PPFIA2: variants seen among roughly 807,000 people sequenced by gnomAD.
PPFIA2 encodes liprin-alpha-2.
Under a neutral mutation model 175.5 loss-of-function variants are expected in PPFIA2, and 46 were observed. That is an observed-to-expected ratio of 0.26 (90% CI 0.21 to 0.34). PPFIA2 has a LOEUF of 0.34. Among genes scored for constraint, PPFIA2 ranks in the 10% least tolerant of loss-of-function variants. PPFIA2 has a pLI of 1.00. For missense variants in PPFIA2, 1,179 were observed against 1,506.1 expected, an observed-to-expected ratio of 0.78 and a Z score of 3.60; for synonymous variants, 568 against 511.4, an observed-to-expected ratio of 1.11 and a Z score of -1.49.
chr12:81,312,326 A>C (rs1350327023), intron 22 of PPFIA2: 3 of 690,824 alleles, frequency 4.3e-6, no homozygotes, highest in Non-Finnish European at 7.3e-6. Context: ...TTTGTATTTC[A>C]TCATGACACA....
intron 21 of PPFIA2, among the ~76,000 whole-genome samples, chr12:81,333,006 A>C (rs1566207275): frequency 6.6e-6 from 1 of 152,204 alleles, no homozygotes; most frequent in Non-Finnish European, 1.5e-5. Flanking sequence ...CAGAGAAAAG[A>C]CTTAAATGTT....
At chr12:81,393,441 T>C (rs544263275) in intron 8 of PPFIA2, among the ~76,000 whole-genome samples, 1 of 152,194 alleles carries the variant, frequency 6.6e-6, no homozygotes, top group East Asian at 1.9e-4. Context: ...GTAGTCCTTT[T>C]AGATGTGTAA....
intron 4 of PPFIA2, among the ~76,000 whole-genome samples, chr12:81,529,737 T>C (rs1023220820): frequency 2.0e-5 from 3 of 151,984 alleles, no homozygotes; most frequent in African/African-American, 7.2e-5. Flanking sequence ...TGACTACTTG[T>C]TGCATGGTCC....
In PPFIA2 at chr12:81,279,470, A is replaced by C. The variant is rs535007424; in HGVS notation, c.3212+1787T>G. Among the ~76,000 whole-genome samples the C allele has an allele frequency of 1.7e-4, 26 of 152,278 alleles. 1 individual carries two copies. In the South Asian group the frequency reaches 5.2e-3, roughly 30 times the overall value. On this transcript the variant is annotated intron_variant, in intron 27 of 32. Coordinates refer to ENST00000549396, the MANE Select transcript of PPFIA2 (RefSeq NM_003625.5). ...AATGCTTCTTGGTCAGTTTCTGCCA[A>C]GTTTTGATATAGAATACAAAATTAT... is the stretch of plus-strand genomic sequence containing the variant.
chr12:81,327,668 G>A (rs2055103976), intron 21 of PPFIA2, among the ~76,000 whole-genome samples: 1 of 151,902 alleles, frequency 6.6e-6, no homozygotes, highest in South Asian at 2.1e-4. Flanking sequence ...AGATGAATCA[G>A]GCTTTTATTC....
intron 4 of PPFIA2, among the ~76,000 whole-genome samples, chr12:81,583,337 T>C (rs2153430789): frequency 6.6e-6 from 1 of 151,942 alleles, no homozygotes; most frequent in East Asian, 1.9e-4. Context: ...TACGTCTCTT[T>C]ACCCATCTTC....
chr12:81,601,647 T>C (rs1208819554), intron 4 of PPFIA2, among the ~76,000 whole-genome samples: 4 of 151,876 alleles, frequency 2.6e-5, no homozygotes, highest in Admixed American at 2.6e-4. Context: ...CAAGAAGTCC[T>C]AATGGGCAGG....
intron 4 of PPFIA2, among the ~76,000 whole-genome samples, chr12:81,665,904 A>C (rs1206424042): frequency 1.3e-5 from 2 of 152,144 alleles, no homozygotes; most frequent in African/African-American, 4.8e-5. Flanking sequence ...CAAAGAACTC[A>C]AACAAATTTA....
intron 4 of PPFIA2, among the ~76,000 whole-genome samples, chr12:81,501,245 C>G (rs2060563446): frequency 6.6e-6 from 1 of 152,160 alleles, no homozygotes; most frequent in Non-Finnish European, 1.5e-5. Flanking sequence ...ATTTCTACCT[C>G]AGGGCCTTTG....
intron 3 of PPFIA2, among the ~76,000 whole-genome samples, chr12:81,686,599 C>G (rs2074452639): frequency 6.6e-6 from 1 of 152,058 alleles, no homozygotes; most frequent in African/African-American, 2.4e-5. Context: ...TGCATCCTTG[C>G]TATCTCAAAC....
chr12:81,662,688 C>G (rs1191755292), intron 4 of PPFIA2, among the ~76,000 whole-genome samples: 7 of 152,168 alleles, frequency 4.6e-5, no homozygotes, highest in Non-Finnish European at 1.0e-4. Context: ...GTAATCCTCC[C>G]TAACTCATTT....
At chr12:81,572,405 C>G (rs149808274) in intron 4 of PPFIA2, among the ~76,000 whole-genome samples, 1,571 of 151,926 alleles carry the variant, frequency 0.01, 30 homozygotes, top group African/African-American at 0.033. Context: ...ATATGTGTTT[C>G]CTTAAGTATT....
At chr12:81,537,618 G>C (rs2065594379) in intron 4 of PPFIA2, among the ~76,000 whole-genome samples, 1 of 151,806 alleles carries the variant, frequency 6.6e-6, no homozygotes, top group African/African-American at 2.4e-5. Flanking sequence ...GGTAAACTTA[G>C]ATGTTCTCTA....
At chr12:81,642,596 A>AATAT (rs984551924) in intron 4 of PPFIA2, among the ~76,000 whole-genome samples, 1 of 143,666 alleles carries the variant, frequency 7.0e-6, no homozygotes, top group Non-Finnish European at 1.5e-5. Flanking sequence ...TAATATATGT[A>AATAT]ATATATATAT....
In PPFIA2 at chr12:81,744,689, G is replaced by T. The variant is rs1014271246; in HGVS notation, c.249+9284C>A. Among the ~76,000 whole-genome samples, 5 of 152,280 alleles carry T rather than the reference G, an allele frequency of 3.3e-5. No homozygotes were observed. The East Asian group carries it at 5.8e-4, about 18-fold the overall frequency. On this transcript the variant is annotated intron_variant, in intron 3 of 32. Transcript: ENST00000549396. ...GATCTACCCACCTTGGCCTCCCAAA[G>T]TGCTGGGATTACAGGCATGGGCCAC...
chr12:81,717,422 G>A (rs1281900362), intron 3 of PPFIA2, among the ~76,000 whole-genome samples: 13 of 151,570 alleles, frequency 8.6e-5, no homozygotes, highest in Non-Finnish European at 1.9e-4. Context: ...TCCAACACTG[G>A]TGGATAATAA....
chr12:81,531,934 A>G (rs1335088381), intron 4 of PPFIA2, among the ~76,000 whole-genome samples: 1 of 151,788 alleles, frequency 6.6e-6, no homozygotes, highest in Non-Finnish European at 1.5e-5. Flanking sequence ...AATAATTTTG[A>G]ATTAATTTGA....
chr12:81,384,134 T>C lies in PPFIA2; in HGVS notation c.873A>G (p.Leu291=), dbSNP rs1431998483. The C allele has an allele frequency of 6.2e-7, 1 of 1,613,076 alleles. No individual in the cohort carries two copies. The highest frequency in any genetic ancestry group is 2.2e-5 in the East Asian group (1 of 44,770). ...CTCCCACTCGGGAAGAAAGGGCTGC[T>C]AAACGTTCTTTCATCTGGGCCATTT... ...NYEMAQMKER[L]AALSSRVGEV... Residue 291 remains leucine, a synonymous_variant, in exon 9 of 33, where the codon TTA becomes TTG. Transcript: ENST00000549396.
At chr12:81,344,085 C>G (rs2058627019) in intron 19 of PPFIA2, among the ~76,000 whole-genome samples, 1 of 151,978 alleles carries the variant, frequency 6.6e-6, no homozygotes, top group Non-Finnish European at 1.5e-5. Context: ...ATTAATCAGG[C>G]TATCCATCCT....
Sources: allele counts gnomAD v4.1 joint callset (sites outside exome capture counted in the v4.1 genomes callset), GRCh38; gene constraint gnomAD v4.1.1; transcripts MANE v1.5; gene names NCBI Gene and HGNC (gene_info 2026-07-23, HGNC 2026-07-21).